Variants in ANO3 observed in about 807,000 individuals in gnomAD.
The protein encoded by ANO3 is anoctamin-3.
A neutral mutation model predicts 144.8 loss-of-function variants in ANO3; 99 were observed. The ratio of observed to expected loss-of-function variants is 0.68; its 90% confidence interval spans 0.58 to 0.81. ANO3 has a LOEUF of 0.81. Among genes scored for constraint, ANO3 ranks in the 30% least tolerant of loss-of-function variants. The pLI is 0.00. For missense variants in ANO3, 905 were observed against 1,202.2 expected (o/e 0.75, Z 3.66); for synonymous variants, 414 against 392.6 (o/e 1.05, Z -0.64).
intron 18 of ANO3, among the ~76,000 whole-genome samples, chr11:26,625,535 A>G (rs985725620): frequency 3.9e-5 from 6 of 152,158 alleles, no homozygotes; most frequent in African/African-American, 1.4e-4. Flanking sequence ...ACGGCATGGT[A>G]TATTCTATAA....
intron 1 of ANO3, among the ~76,000 whole-genome samples, chr11:26,284,224 A>G (rs1853749315): frequency 1.3e-5 from 2 of 152,332 alleles, no homozygotes; most frequent in South Asian, 4.1e-4. Context: ...AGAAGGAAGC[A>G]GAGGGCAGCT....
At chr11:26,501,551 A>G (rs1861194643) in intron 4 of ANO3, among the ~76,000 whole-genome samples, 1 of 152,026 alleles carries the variant, frequency 6.6e-6, no homozygotes, top group South Asian at 2.1e-4. Context: ...TGGCAAAACA[A>G]CATTTTAAGC....
chr11:26,599,745 AC>A (rs1363109813), intron 17 of ANO3, 31 bp downstream of exon 17: 1 of 1,589,798 alleles, frequency 6.3e-7, no homozygotes, highest in Admixed American at 1.7e-5. Context: ...TCTTCAGTAG[AC>A]AAAAAAGGGG....
intron 1 of ANO3, among the ~76,000 whole-genome samples, chr11:26,261,179 C>T (rs11029452): frequency 0.02 from 3,008 of 152,174 alleles, 64 homozygotes; most frequent in East Asian, 0.12. Flanking sequence ...CAGTTTATTT[C>T]TTAACAGGTC....
intron 1 of ANO3, among the ~76,000 whole-genome samples, chr11:26,226,939 C>T (rs2133798159): frequency 6.6e-6 from 1 of 152,216 alleles, no homozygotes; most frequent in Admixed American, 6.5e-5. Context: ...ATAATATCCT[C>T]ATTTCCCCTT....
Position 26,599,583 on chromosome 11 carries a change from G to T in ANO3, c.1705G>T (p.Val569Leu). ...SLVITAVFGV[V>L]VYRLVVMEQF... Reference sequence around the variant, plus strand: ...GGTGATCACTGCAGTGTTTGGAGTTGTGGTGTACCGCCTGGTTGTCATGGA... The same window carrying T: ...GGTGATCACTGCAGTGTTTGGAGTTTTGGTGTACCGCCTGGTTGTCATGGA... Residue 569 changes from valine to leucine, a missense_variant, in exon 17 of 27, where the codon GTG (valine) becomes TTG (leucine). This residue lies in a region of ANO3 where 597 missense variants were observed against 865.1 expected (regional missense o/e 0.69). Coordinates refer to ENST00000256737, the MANE Select transcript of ANO3 (RefSeq NM_031418.4). The T allele has an allele frequency of 6.2e-7, 1 of 1,614,122 alleles. No individual in the cohort carries two copies. Among genetic ancestry groups the T allele is most frequent in the Non-Finnish European group, 8.5e-7 (1 of 1,179,996 alleles).
Position 26,662,570 on chromosome 11 carries a change from ATT to A in ANO3, c.*2128_*2129del, listed in dbSNP as rs1853911421. 1 of 152,026 alleles carries A rather than the reference ATT, an allele frequency of 6.6e-6. No individual in the cohort carries two copies. Among genetic ancestry groups the A allele is most frequent in the African/African-American group, 2.4e-5 (1 of 41,418 alleles). 9.4% of individuals were successfully genotyped at this position (152,026 alleles called of 1,614,324 possible). On this transcript the variant is annotated 3_prime_UTR_variant, in exon 27 of 27. Transcript: ENST00000256737. ...AATGATAGCTCTATCCTTAAGAAGT[ATT>A]TCCTTTCCTTTTTATATAGTCCCGT... is the stretch of plus-strand genomic sequence containing the variant.
At chr11:26,480,235 G>A (rs1860156760) in intron 4 of ANO3, among the ~76,000 whole-genome samples, 1 of 152,200 alleles carries the variant, frequency 6.6e-6, no homozygotes, top group African/African-American at 2.4e-5. Context: ...GAGCTGGGTT[G>A]AAGAGTCAGC....
At chr11:26,487,981 C>T (rs942218298) in intron 4 of ANO3, among the ~76,000 whole-genome samples, 3 of 152,108 alleles carry the variant, frequency 2.0e-5, no homozygotes, top group African/African-American at 7.2e-5. Flanking sequence ...TCCTGGCCAA[C>T]ATGTTGAAAC....
chr11:26,232,420 G>A (rs1420021983), intron 1 of ANO3, among the ~76,000 whole-genome samples: 2 of 151,404 alleles, frequency 1.3e-5, no homozygotes, highest in African/African-American at 2.4e-5. Context: ...GGGGACCCTT[G>A]ACTTACAGGT....
chr11:26,443,505 G>A (rs1029252083), intron 2 of ANO3, among the ~76,000 whole-genome samples: 2 of 152,158 alleles, frequency 1.3e-5, no homozygotes, highest in African/African-American at 4.8e-5. Flanking sequence ...AGGAGGCTGA[G>A]GCACGAGAAT....
At chr11:26,603,449 A>G (rs1851851845) in intron 17 of ANO3, among the ~76,000 whole-genome samples, 2 of 149,114 alleles carry the variant, frequency 1.3e-5, no homozygotes, top group African/African-American at 4.9e-5. Flanking sequence ...ATCATCCAAG[A>G]TTCATATAGA....
At chr11:26,223,590 C>G (rs991147110) in intron 1 of ANO3, among the ~76,000 whole-genome samples, 3 of 139,454 alleles carry the variant, frequency 2.2e-5, no homozygotes, top group Non-Finnish European at 3.0e-5. Context: ...CTAGTCCATT[C>G]TAGCTTTTTA....
At chr11:26,541,616 A>T (rs1040610531) in intron 10 of ANO3, among the ~76,000 whole-genome samples, 5 of 129,148 alleles carry the variant, frequency 3.9e-5, no homozygotes, top group Admixed American at 1.7e-4. Flanking sequence ...AGATTATCAC[A>T]ATTTCTCTCA....
intron 14 of ANO3, among the ~76,000 whole-genome samples, chr11:26,563,438 A>T (rs933620596): frequency 4.4e-5 from 6 of 136,508 alleles, no homozygotes; most frequent in African/African-American, 1.8e-4. Flanking sequence ...TGTGTCTTGT[A>T]AAGTACTATT....
At chr11:26,640,527 A>G (rs1853115023) in intron 21 of ANO3, among the ~76,000 whole-genome samples, 1 of 152,234 alleles carries the variant, frequency 6.6e-6, no homozygotes, top group Admixed American at 6.5e-5. Context: ...AGTGCCTAGC[A>G]CAGAATGTAA....
intron 3 of ANO3, among the ~76,000 whole-genome samples, chr11:26,447,281 A>G (rs944036355): frequency 1.3e-5 from 2 of 150,544 alleles, no homozygotes; most frequent in African/African-American, 4.9e-5. Context: ...ATAAACAATA[A>G]TTTACTGGAC....
At chr11:26,428,317 G>A (rs189282990) in intron 1 of ANO3, among the ~76,000 whole-genome samples, 243 of 152,156 alleles carry the variant, frequency 1.6e-3, no homozygotes, top group Non-Finnish European at 2.6e-3. Context: ...AATTATTTCC[G>A]GGAAAATTGA....
rs139480305 is a variant in ANO3 at position 26,274,026 on chromosome 11, C to T, written c.155-35619C>T. 5.1e-3 allele frequency among the ~76,000 whole-genome samples: 775 copies of T among 150,904 alleles called. 8 individuals carry two copies. Among genetic ancestry groups the T allele is most frequent in the African/African-American group, 0.017 (679 of 40,760 alleles). On this transcript the variant is annotated intron_variant, in intron 1 of 27. Coordinates refer to the ANO3 transcript ENST00000672621. ...ACAGACTGTTGGGACAGAAACCATCCGGGACATGGCACAAAGGGAAGAAAA... is the reference window on the plus strand; with the variant it reads ...ACAGACTGTTGGGACAGAAACCATCTGGGACATGGCACAAAGGGAAGAAAA...
Sources: allele counts gnomAD v4.1 joint callset (sites outside exome capture counted in the v4.1 genomes callset), GRCh38; gene constraint gnomAD v4.1.1; regional missense constraint gnomAD v4.1.1; transcripts MANE v1.5; gene names NCBI Gene and HGNC (gene_info 2026-07-23, HGNC 2026-07-21).